The following NLGN1 variants were observed in gnomAD, a reference collection of about 807,000 sequenced individuals.
NLGN1 encodes the protein neuroligin 1, also known as neuroligin-1.
NLGN1 carries 12 observed loss-of-function variants against 65.5 expected under a neutral mutation model. The observed-to-expected ratio is 0.18, with a 90% confidence interval of 0.12 to 0.30. The LOEUF is 0.30. Among genes scored for constraint, NLGN1 ranks in the 10% least tolerant of loss-of-function variants. The pLI, the probability that NLGN1 is intolerant of heterozygous loss-of-function variation, is 1.00. For missense variants in NLGN1, 750 were observed against 1,007.1 expected (o/e 0.74, Z 3.46); for synonymous variants, 350 against 359.5 (o/e 0.97, Z 0.30).
intron 3 of NLGN1, among the ~76,000 whole-genome samples, chr3:173,634,180 G>A (rs9871516): frequency 0.03 from 4,509 of 151,474 alleles, 222 homozygotes; most frequent in African/African-American, 0.1. Context: ...ATACAATATT[G>A]GATAAAATAA....
At chr3:173,569,872 GCTTT>G (rs1276798057) in intron 2 of NLGN1, among the ~76,000 whole-genome samples, 42 of 151,612 alleles carry the variant, frequency 2.8e-4, no homozygotes, top group Middle Eastern at 3.4e-3. Flanking sequence ...ACACATTCAT[GCTTT>G]CTCTAAGAAA....
At chr3:174,169,766 CTG>C (rs949419081) in intron 4 of NLGN1, among the ~76,000 whole-genome samples, 1 of 152,142 alleles carries the variant, frequency 6.6e-6, no homozygotes, top group African/African-American at 2.4e-5. Flanking sequence ...CCAGGAGAAA[CTG>C]TAGCTGTAGC....
intron 2 of NLGN1, among the ~76,000 whole-genome samples, chr3:173,524,901 C>T (rs1030521532): frequency 1.3e-5 from 2 of 152,106 alleles, no homozygotes; most frequent in African/African-American, 4.8e-5. Context: ...CCTTGCATTC[C>T]TGTAATAAAA....
intron 2 of NLGN1, among the ~76,000 whole-genome samples, chr3:173,511,366 G>T (rs1732943459): frequency 6.6e-6 from 1 of 152,094 alleles, no homozygotes. Flanking sequence ...AACTCAGTTG[G>T]TACCTGCATT....
At chr3:174,079,859 G>C (rs574685573) in intron 4 of NLGN1, among the ~76,000 whole-genome samples, 1 of 151,848 alleles carries the variant, frequency 6.6e-6, no homozygotes, top group Admixed American at 6.6e-5. Context: ...CTCATAGAGG[G>C]GACCTACACA....
At chr3:173,935,622 A>ACACTCTCT (rs761590257) in intron 4 of NLGN1, among the ~76,000 whole-genome samples, 8 of 108,072 alleles carry the variant, frequency 7.4e-5, no homozygotes, top group African/African-American at 3.0e-4. Flanking sequence ...ACACACACAC[A>ACACTCTCT]CTCTCTCTCT....
At chr3:173,702,835 C>T (rs1469247054) in intron 3 of NLGN1, among the ~76,000 whole-genome samples, 1 of 152,180 alleles carries the variant, frequency 6.6e-6, no homozygotes, top group Admixed American at 6.5e-5. Context: ...ACTGTTTTTA[C>T]TCATCTTTCT....
At chr3:173,795,324 A>G (rs929487998) in intron 3 of NLGN1, among the ~76,000 whole-genome samples, 1 of 152,166 alleles carries the variant, frequency 6.6e-6, no homozygotes, top group African/African-American at 2.4e-5. Context: ...AACGTATGAC[A>G]TTCTCAAAAA....
At chr3:174,257,584 A>G (rs1746031807) in intron 4 of NLGN1, among the ~76,000 whole-genome samples, 1 of 152,130 alleles carries the variant, frequency 6.6e-6, no homozygotes, top group Admixed American at 6.6e-5. Context: ...AGCCAATAAA[A>G]GGAATGAGTT....
At chr3:173,506,227 C>T (rs568638146) in intron 2 of NLGN1, among the ~76,000 whole-genome samples, 48 of 151,898 alleles carry the variant, frequency 3.2e-4, no homozygotes, top group Non-Finnish European at 5.0e-4. Flanking sequence ...GCTTCTAGTT[C>T]GACATACTAA....
At chr3:173,441,313 A>G (rs1234736436) in intron 2 of NLGN1, among the ~76,000 whole-genome samples, 1 of 152,082 alleles carries the variant, frequency 6.6e-6, no homozygotes, top group Non-Finnish European at 1.5e-5. Flanking sequence ...AATTTTCTTC[A>G]CGATCTTTTC....
At chr3:174,266,204 C>T (rs2152868689) in intron 4 of NLGN1, among the ~76,000 whole-genome samples, 2 of 152,010 alleles carry the variant, frequency 1.3e-5, no homozygotes, top group Middle Eastern at 3.4e-3. Flanking sequence ...CTTCACCCTC[C>T]CCCTAGCCTC....
At chr3:174,068,146 G>A (rs1739049830) in intron 4 of NLGN1, among the ~76,000 whole-genome samples, 2 of 151,980 alleles carry the variant, frequency 1.3e-5, no homozygotes, top group South Asian at 2.1e-4. Flanking sequence ...TTTCTGAGTA[G>A]CAGTAGCCTT....
chr3:173,546,609 T>C (rs748490114), intron 2 of NLGN1, among the ~76,000 whole-genome samples: 17 of 152,304 alleles, frequency 1.1e-4, no homozygotes, highest in Non-Finnish European at 2.1e-4. Context: ...GTTTCTGAAT[T>C]TTTCCAGGCT....
intron 3 of NLGN1, among the ~76,000 whole-genome samples, chr3:173,632,617 C>A (rs529155573): frequency 1.7e-4 from 26 of 152,234 alleles, no homozygotes; most frequent in African/African-American, 6.3e-4. Context: ...TCAGTCAATT[C>A]ATCGTTAGAT....
chr3:173,770,882 C>T (rs1458069217), intron 3 of NLGN1, among the ~76,000 whole-genome samples: 5 of 152,056 alleles, frequency 3.3e-5, no homozygotes, highest in Admixed American at 2.0e-4. Flanking sequence ...GGCTTTCAAC[C>T]TTTATAGGAG....
At chr3:173,423,620 T>G (rs2148707182) in intron 1 of NLGN1, among the ~76,000 whole-genome samples, 1 of 152,282 alleles carries the variant, frequency 6.6e-6, no homozygotes, top group Non-Finnish European at 1.5e-5. Flanking sequence ...CCAAAATCTC[T>G]TTTGGCTCCA....
chr3:174,178,095 C>T (rs1425153915), intron 4 of NLGN1, among the ~76,000 whole-genome samples: 1 of 152,078 alleles, frequency 6.6e-6, no homozygotes, highest in African/African-American at 2.4e-5. Flanking sequence ...CTTAATAGTG[C>T]TTGGCACAGT....
At chr3:173,699,681 CT>C (rs1345201580) in intron 3 of NLGN1, among the ~76,000 whole-genome samples, 2 of 152,150 alleles carry the variant, frequency 1.3e-5, no homozygotes, top group Non-Finnish European at 2.9e-5. Flanking sequence ...CTGGTTTTCA[CT>C]ATTGAAAATG....
Sources: gnomAD v4.1 joint callset for allele counts (sites outside exome capture counted in the v4.1 genomes callset) on GRCh38, gnomAD v4.1.1 for gene constraint, MANE v1.5 for transcripts, NCBI Gene and HGNC (gene_info 2026-07-23, HGNC 2026-07-21) for gene names.